ENSA: variants seen among roughly 807,000 people sequenced by gnomAD.
ENSA encodes the protein endosulfine alpha.
A neutral mutation model predicts 16.8 loss-of-function variants in ENSA; 7 were observed. That is an observed-to-expected ratio of 0.42 (90% CI 0.24 to 0.78). ENSA has a LOEUF of 0.78. Ranked by LOEUF, ENSA falls within the 30% of genes least tolerant of loss-of-function variation. ENSA has a pLI of 0.29. For missense variants in ENSA, 87 were observed against 142.3 expected (o/e 0.61, Z 1.98); for synonymous variants, 58 against 53.4 (o/e 1.09, Z -0.37).
chr1:150,624,234 C>T, intron 3 of ENSA: 2 of 983,470 alleles, frequency 2.0e-6, no homozygotes, highest in African/African-American at 3.5e-5. Flanking sequence ...TTGCTGAGTT[C>T]TGGGGATGCA....
intron 1 of ENSA, chr1:150,629,092 A>G (rs765525047): frequency 6.2e-7 from 1 of 1,614,076 alleles, no homozygotes; most frequent in Admixed American, 1.7e-5. Context: ...ATCACACCCA[A>G]GACCACCAGC....
chr1:150,625,125 A>C (rs1649211542), intron 3 of ENSA: 1 of 985,418 alleles, frequency 1.0e-6, no homozygotes, highest in African/African-American at 1.7e-5. Flanking sequence ...TAGGCAAGCA[A>C]GTCAATTTTT....
chr1:150,624,036 C>A (rs1346568378), intron 3 of ENSA: 1 of 985,320 alleles, frequency 1.0e-6, no homozygotes. Context: ...AAGAGGATTA[C>A]AGAATCTTGC....
At chr1:150,624,487 G>C (rs1180282705) in intron 3 of ENSA, 18 of 985,804 alleles carry the variant, frequency 1.8e-5, no homozygotes, top group Non-Finnish European at 2.0e-5. Context: ...TCCGCTGCCA[G>C]AGAAGCTTTT....
intron 3 of ENSA, 95 bp downstream of exon 3, chr1:150,625,547 C>T: frequency 6.9e-7 from 1 of 1,449,176 alleles, no homozygotes; most frequent in Non-Finnish European, 9.1e-7. Context: ...GGCTAGCAAG[C>T]TGAGAAGATC....
intron 3 of ENSA, 173 bp downstream of exon 3, chr1:150,625,469 A>AT: frequency 1.5e-6 from 2 of 1,320,400 alleles, no homozygotes. Context: ...CGAAATAAAT[A>AT]AACTTAGAGC....
chr1:150,624,615 T>G (rs920639505), intron 3 of ENSA: 3 of 985,596 alleles, frequency 3.0e-6, no homozygotes, highest in Non-Finnish European at 1.2e-6. Flanking sequence ...ATCTATAAGG[T>G]TCTCTTGCCT....
chr1:150,626,951 C>T (rs1649374390), intron 2 of ENSA: 1 of 702,206 alleles, frequency 1.4e-6, no homozygotes, highest in Non-Finnish European at 1.8e-6. Flanking sequence ...TAGACTCTCT[C>T]TTGGTAAGGA....
chr1:150,625,163 T>C, intron 3 of ENSA: 2 of 985,854 alleles, frequency 2.0e-6, no homozygotes, highest in South Asian at 4.7e-5. Context: ...AAACCTGCCA[T>C]AATGGAAACA....
rs902368166 is a variant in ENSA at position 150,622,701 on chromosome 1, A to G, written c.*143T>C. The G allele has an allele frequency of 2.6e-6, 2 of 765,808 alleles. No homozygotes were observed. The highest frequency in any genetic ancestry group is 1.8e-5 in the African/African-American group (1 of 55,346). The allele number at this position is 765,808 out of a possible 1,614,324, so 47.4% of individuals were successfully genotyped here. ...CTCCATGTGCTGGGACACCAACAGGAAAGGGCTTCTGCCTCTCCAGCCCAC... is the reference window on the plus strand; with the variant it reads ...CTCCATGTGCTGGGACACCAACAGGGAAGGGCTTCTGCCTCTCCAGCCCAC... On this transcript the variant is annotated 3_prime_UTR_variant, in exon 4 of 4. Coordinates refer to ENST00000369014, the MANE Select transcript of ENSA (RefSeq NM_004436.4).
intron 3 of ENSA, 121 bp from the exon 4 acceptor site, chr1:150,622,980 C>A: frequency 7.7e-7 from 1 of 1,300,430 alleles, no homozygotes; most frequent in South Asian, 1.5e-5. Flanking sequence ...AACCATTAGG[C>A]TACCTGGCAT....
rs1171007676 is a variant in ENSA at position 150,622,519 on chromosome 1, C to G, written c.*325G>C. 1 of 350,500 alleles carries G rather than the reference C, an allele frequency of 2.9e-6. No homozygotes were observed. The highest frequency in any genetic ancestry group is 5.1e-6 in the Non-Finnish European group (1 of 195,320). The allele number at this position is 350,500 out of a possible 1,614,324, so 21.7% of individuals were successfully genotyped here. A position where few individuals can be genotyped will look rare whatever the true frequency, so the allele number is the denominator to read the frequency against. ...AGAAGGATAGTCAGGAATGTTTTTA[C>G]CAACTCCAAGCCCTAATTCATACTC... On this transcript the variant is annotated 3_prime_UTR_variant, in exon 4 of 4. Coordinates refer to ENST00000369014, the MANE Select transcript of ENSA (RefSeq NM_004436.4).
intron 2 of ENSA, among the ~76,000 whole-genome samples, chr1:150,626,703 C>T (rs1649347653): frequency 6.6e-6 from 1 of 152,308 alleles, no homozygotes; most frequent in South Asian, 2.1e-4. Context: ...ACTACAGGCG[C>T]CCGCCACCAC....
rs1430938274 is a variant in ENSA at position 150,622,247 on chromosome 1, T to A, written c.*597A>T. On this transcript the variant is annotated 3_prime_UTR_variant, in exon 4 of 4. Transcript: ENST00000369014. ...TTTCTCCCACACTCACTGCCCTTCT[T>A]CCCACAGCAAATCTATTTCAAGGAC... The A allele has an allele frequency of 6.6e-6, 1 of 152,232 alleles. No homozygotes were observed. The highest frequency in any genetic ancestry group is 1.5e-5 in the Non-Finnish European group (1 of 68,076). 9.4% of individuals were successfully genotyped at this position (152,232 alleles called of 1,614,324 possible).
intron 1 of ENSA, among the ~76,000 whole-genome samples, chr1:150,628,561 C>A (rs1386565600): frequency 6.6e-6 from 1 of 151,392 alleles, no homozygotes; most frequent in South Asian, 2.1e-4. Context: ...ATGAAGTCAA[C>A]GTATGACTCT....
At chr1:150,628,958 TCTC>T in intron 1 of ENSA, 1 of 1,234,820 alleles carries the variant, frequency 8.1e-7, no homozygotes, top group Non-Finnish European at 1.2e-6. Context: ...TAACTACACT[TCTC>T]CCCTCCCCCA....
At chr1:150,626,456 C>A in intron 2 of ENSA, 1 of 1,606,368 alleles carries the variant, frequency 6.2e-7, no homozygotes, top group South Asian at 1.1e-5. Flanking sequence ...AACTGGGATC[C>A]TCCACAGGGA....
At chr1:150,628,498 C>CTT (rs36124577) in intron 1 of ENSA, among the ~76,000 whole-genome samples, 10 of 142,976 alleles carry the variant, frequency 7.0e-5, no homozygotes, top group African/African-American at 1.0e-4. Flanking sequence ...TAGTCAATCT[C>CTT]TTTTTTTTTT....
At position 150,625,819 on chromosome 1, in the gene ENSA, AGAGG is replaced by A. The variant is rs780577412; in HGVS notation, c.184-15_184-12del. On this transcript the variant is annotated splice_polypyrimidine_tract_variant and intron_variant, in intron 2 of 3. Transcript: ENST00000369014. ...GTCAAAGTACTTTTGCTAAGAGATAAGAGGGAGGTTTAGGTGAGTGAGGACTCTG... is the reference window on the plus strand; with the variant it reads ...GTCAAAGTACTTTTGCTAAGAGATAAGAGGTTTAGGTGAGTGAGGACTCTG... 1 of 1,590,372 alleles carries A rather than the reference AGAGG, an allele frequency of 6.3e-7. No individual in the cohort carries two copies. Among genetic ancestry groups the A allele is most frequent in the Non-Finnish European group, 8.6e-7 (1 of 1,166,538 alleles).
Sources: gnomAD v4.1 joint callset for allele counts (sites outside exome capture counted in the v4.1 genomes callset) on GRCh38, gnomAD v4.1.1 for gene constraint, MANE v1.5 for transcripts, NCBI Gene and HGNC (gene_info 2026-07-23, HGNC 2026-07-21) for gene names.